IQANK1: variants seen among roughly 807,000 people sequenced by gnomAD.
The protein encoded by IQANK1 is IQ motif and ankyrin repeat domain-containing protein 1.
A neutral mutation model predicts 22.6 loss-of-function variants in IQANK1; 30 were observed. That is an observed-to-expected ratio of 1.33 (90% CI 0.99 to 1.80). IQANK1 has a LOEUF of 1.80. Among genes scored for constraint, IQANK1 ranks in the 40% most tolerant of loss-of-function variants. The probability of loss-of-function intolerance (pLI) is 0.00; values close to 1 mark genes in which losing one functional copy is unlikely to be tolerated. For synonymous variants in IQANK1, 122 were observed against 99.6 expected, an observed-to-expected ratio of 1.23 and a Z score of -1.34; for missense variants, 275 against 235.2, an observed-to-expected ratio of 1.17 and a Z score of -1.11.
chr8:143,770,638 G>A (rs56055065), intron 3 of IQANK1, among the ~76,000 whole-genome samples: 36,013 of 152,158 alleles, frequency 0.24, 4,624 homozygotes, highest in East Asian at 0.51. Flanking sequence ...CAGCTGCGCT[G>A]CCTGCTTGCT....
rs1030997595 is a variant in IQANK1, at chr8:143,790,508, A to G, written c.1583A>G (p.His528Arg). ...PTQFQEQRLE[H>R]FRLFFVTKVQ... is the part of the protein sequence containing the mutation. Reference sequence around the variant, plus strand: ...CAGTTCCAGGAGCAGCGGCTGGAGCACTTCCGCCTCTTTTTCGTCACCAAG... The same window carrying G: ...CAGTTCCAGGAGCAGCGGCTGGAGCGCTTCCGCCTCTTTTTCGTCACCAAG... Residue 528 changes from histidine to arginine, a missense_variant, in exon 14 of 14, where the codon CAC (histidine) becomes CGC (arginine). Transcript: ENST00000527139. 2.5e-6 allele frequency: 1 copy of G among 405,170 alleles called. No homozygotes were observed. Among genetic ancestry groups the G allele is most frequent in the Non-Finnish European group, 4.3e-6 (1 of 231,856 alleles). 25.1% of individuals were successfully genotyped at this position (405,170 alleles called of 1,614,324 possible). A position where few individuals can be genotyped will look rare whatever the true frequency, so the allele number is the denominator to read the frequency against.
intron 2 of IQANK1, among the ~76,000 whole-genome samples, chr8:143,739,224 G>A (rs1818827508): frequency 6.6e-6 from 1 of 152,130 alleles, no homozygotes; most frequent in African/African-American, 2.4e-5. Flanking sequence ...GCGTCCTCTG[G>A]GCTTCTTGTT....
At chr8:143,769,822 G>A (rs1819540698) in intron 3 of IQANK1, among the ~76,000 whole-genome samples, 2 of 152,374 alleles carry the variant, frequency 1.3e-5, no homozygotes, top group South Asian at 4.1e-4. Context: ...TGGGAAGGCT[G>A]CACCTCCTGC....
chr8:143,768,135 G>A (rs1037838088), intron 3 of IQANK1, among the ~76,000 whole-genome samples: 3 of 151,518 alleles, frequency 2.0e-5, no homozygotes, highest in Non-Finnish European at 2.9e-5. Context: ...CACCTGCCTC[G>A]GACTCCCAAA....
intron 7 of IQANK1, among the ~76,000 whole-genome samples, chr8:143,782,573 C>T (rs530191700): frequency 1.3e-5 from 2 of 152,224 alleles, no homozygotes; most frequent in South Asian, 4.1e-4. Flanking sequence ...CTCCGCCTCC[C>T]AGGTTCAAGC....
At chr8:143,749,686 C>T (rs1163811573) in intron 3 of IQANK1, among the ~76,000 whole-genome samples, 1 of 148,372 alleles carries the variant, frequency 6.7e-6, no homozygotes, top group African/African-American at 2.5e-5. Context: ...ATCTCCACCT[C>T]CTGGTACCTG....
intron 2 of IQANK1, among the ~76,000 whole-genome samples, chr8:143,737,313 C>T (rs1181010356): frequency 3.3e-5 from 5 of 152,228 alleles, no homozygotes; most frequent in African/African-American, 1.2e-4. Flanking sequence ...CAGGCCTTCG[C>T]CCTGCACCGC....
rs58499871 is a variant in IQANK1 at position 143,774,611 on chromosome 8, T to C, written c.789+2129T>C. The stretch of plus-strand genomic sequence containing the variant: ...AATAGGCAGGCGGTTTCTTAAAAAG[T>C]GAACACATTTACCATGTAACACAGC... On this transcript the variant is annotated intron_variant, in intron 7 of 13. Coordinates refer to ENST00000527139, the MANE Select transcript of IQANK1 (RefSeq NM_001381874.1). This position sits in a 1 kb window ranked among gnomAD's most constrained non-coding sequence, Gnocchi z 4.2. Among the ~76,000 whole-genome samples, 7,453 of 152,182 alleles carry C rather than the reference T, an allele frequency of 0.049. 545 individuals carry two copies. Among genetic ancestry groups the C allele is most frequent in the African/African-American group, 0.16 (6,748 of 41,478 alleles).
chr8:143,746,620 T>C (rs1819037741), intron 3 of IQANK1, among the ~76,000 whole-genome samples: 1 of 152,196 alleles, frequency 6.6e-6, no homozygotes, highest in South Asian at 2.1e-4. Flanking sequence ...TAGGCTCAGG[T>C]GATCCTCCCA....
intron 3 of IQANK1, chr8:143,746,045 T>G (rs7828894): frequency 0.8 from 121,504 of 152,220 alleles, 48,905 homozygotes; most frequent in African/African-American, 0.86. Flanking sequence ...CACCGTACCT[T>G]GCCCTTGGTG....
chr8:143,748,823 T>TATATATTTCATATATAAATATATAA (rs1554627608), intron 3 of IQANK1, among the ~76,000 whole-genome samples: 3 of 116,866 alleles, frequency 2.6e-5, no homozygotes, highest in African/African-American at 1.1e-4. Context: ...AATATATAAA[T>TATATATTTCATATATAAATATATAA]ATATATTTCA....
At chr8:143,748,638 AATAT>A (rs1159703709) in intron 3 of IQANK1, among the ~76,000 whole-genome samples, 3 of 113,336 alleles carry the variant, frequency 2.6e-5, no homozygotes, top group Non-Finnish European at 4.8e-5. Flanking sequence ...ATCATATATA[AATAT>A]ATAAATATAT....
At chr8:143,788,387 C>A (rs553507987) in intron 7 of IQANK1, among the ~76,000 whole-genome samples, 11 of 152,218 alleles carry the variant, frequency 7.2e-5, no homozygotes, top group Admixed American at 2.6e-4. Flanking sequence ...GCTTTGAGCC[C>A]GGCTCTCTGC....
At chr8:143,766,672 C>T (rs1217572423) in intron 3 of IQANK1, among the ~76,000 whole-genome samples, 1 of 149,466 alleles carries the variant, frequency 6.7e-6, no homozygotes, top group South Asian at 2.1e-4. Context: ...TTCTGTCTCA[C>T]GAAAAAAAGA....
chr8:143,761,612 C>A, intron 3 of IQANK1, among the ~76,000 whole-genome samples: 1 of 151,986 alleles, frequency 6.6e-6, no homozygotes, highest in African/African-American at 2.4e-5. Flanking sequence ...TCTACCAAAA[C>A]CATTTTTAAA....
intron 7 of IQANK1, among the ~76,000 whole-genome samples, chr8:143,773,472 T>C (rs995539125): frequency 5.9e-5 from 9 of 151,996 alleles, no homozygotes; most frequent in Non-Finnish European, 8.8e-5. Flanking sequence ...CCTACCTTAG[T>C]TTCATTTAAA....
Position 143,772,484 on chromosome 8 carries a change from T to A in IQANK1, c.789+2T>A. The A allele has an allele frequency of 2.5e-6, 1 of 398,648 alleles. No individual in the cohort carries two copies. The highest frequency in any genetic ancestry group is 4.4e-6 in the Non-Finnish European group (1 of 226,090). The allele number at this position is 398,648 out of a possible 1,614,324, so 24.7% of individuals were successfully genotyped here. On this transcript the variant is annotated splice_donor_variant, in intron 7 of 13. Coordinates refer to ENST00000527139, the MANE Select transcript of IQANK1 (RefSeq NM_001381874.1). LOFTEE classifies it high-confidence loss of function. ...GAGGACGGGAGCACCCCTGAGCGGG[T>A]GTGGACCCCAGAGGTGTGGGCCCCG...
chr8:143,765,894 A>G (rs552098448), intron 3 of IQANK1, among the ~76,000 whole-genome samples: 1 of 152,338 alleles, frequency 6.6e-6, no homozygotes, highest in Non-Finnish European at 1.5e-5. Flanking sequence ...GGTTTTAAAA[A>G]TAACACTAGC....
chr8:143,753,086 CT>C (rs1394164190), intron 3 of IQANK1, among the ~76,000 whole-genome samples: 8 of 145,982 alleles, frequency 5.5e-5, no homozygotes, highest in African/African-American at 2.0e-4. Context: ...TCACTGCAAC[CT>C]TGACCTCCTG....
Sources: allele counts gnomAD v4.1 joint callset (sites outside exome capture counted in the v4.1 genomes callset), GRCh38; gene constraint gnomAD v4.1.1; non-coding constraint Gnocchi (gnomAD v3.1); transcripts MANE v1.5; gene names NCBI Gene and HGNC (gene_info 2026-07-23, HGNC 2026-07-21).